SORBS3: variants seen among roughly 807,000 people sequenced by gnomAD.
The protein encoded by SORBS3 is sorbin and SH3 domain containing 3, also known as vinexin.
Under a neutral mutation model 98.0 loss-of-function variants are expected in SORBS3, and 69 were observed. The observed-to-expected ratio is 0.70, with a 90% CI of 0.58 to 0.86. SORBS3 has a LOEUF of 0.86. SORBS3 is among the 40% of genes least tolerant of loss of function. SORBS3 has a pLI of 0.00. For missense variants in SORBS3, 954 were observed against 908.5 expected, an observed-to-expected ratio of 1.05 and a Z score of -0.64; for synonymous variants, 394 against 355.4, an observed-to-expected ratio of 1.11 and a Z score of -1.22.
At chr8:22,556,658 C>A in intron 3 of SORBS3, 57 bp from the exon 4 acceptor site, 1 of 1,500,682 alleles carries the variant, frequency 6.7e-7, no homozygotes, top group South Asian at 1.1e-5. Context: ...AAGGGACACA[C>A]AGGTTCAGGT....
chr8:22,563,954 G>A, intron 7 of SORBS3, 33 bp from the exon 8 acceptor site: 1 of 1,554,100 alleles, frequency 6.4e-7, no homozygotes, highest in Non-Finnish European at 8.9e-7. Context: ...CTCCCTAAAA[G>A]GAAGCTGAAG....
chr8:22,553,657 G>A (rs945555943), intron 1 of SORBS3, among the ~76,000 whole-genome samples: 10 of 152,182 alleles, frequency 6.6e-5, no homozygotes, highest in Admixed American at 3.3e-4. Flanking sequence ...AAACAGCCTG[G>A]AGGGGCGGGA....
Position 22,574,123 on chromosome 8 carries a change from G to A in SORBS3, c.1955-544G>A, listed in dbSNP as rs368173972. The stretch of plus-strand genomic sequence containing the variant: ...AGCAGCCAACAGAAGTGCTGGCTTT[G>A]GGGAAGCATCGGGTGCCAGGCCCCC... On this transcript the variant is annotated intron_variant, in intron 20 of 20. Transcript: ENST00000240123. Among the ~76,000 whole-genome samples, 22 of 152,266 alleles carry A rather than the reference G, an allele frequency of 1.4e-4. 1 individual carries two copies. The highest frequency in any genetic ancestry group is 4.8e-4 in the African/African-American group (20 of 41,538).
chr8:22,564,714 T>C, intron 10 of SORBS3, 193 bp downstream of exon 10: 2 of 1,412,086 alleles, frequency 1.4e-6, no homozygotes, highest in Middle Eastern at 2.6e-4. Flanking sequence ...ATGTGTTAAA[T>C]AAATATGTGT....
chr8:22,571,648 C>G lies in SORBS3; in HGVS notation c.1744-70C>G, dbSNP rs763827961. 12 of 1,240,648 alleles carry G rather than the reference C, an allele frequency of 9.7e-6. No individual in the cohort carries two copies. In the South Asian group the frequency reaches 1.5e-4, roughly 15 times the overall value. The allele number at this position is 1,240,648 out of a possible 1,614,324, so 76.9% of individuals were successfully genotyped here. On this transcript the variant is annotated intron_variant, in intron 18 of 20. Coordinates refer to ENST00000240123, the MANE Select transcript of SORBS3 (RefSeq NM_005775.5). ...GACTGGGAACGCCCATTTTGGGCCT[C>G]CTCCCTCAGGCTTACATGTACCCAT...
rs771378393 is a variant in SORBS3, at chr8:22,565,303, C to G, written c.852C>G (p.Ala284=). 3 of 1,558,884 alleles carry G rather than the reference C, an allele frequency of 1.9e-6. No individual in the cohort carries two copies. The highest frequency in any genetic ancestry group is 2.4e-5 in the South Asian group (2 of 84,612). ...AGAGAGAGCTGGCCGAGCTGAGCGC[C>G]GAGCTGGACAAGGACCTGCGGGCAA... ...LLERELAELS[A]ELDKDLRAIE... The change falls in exon 11 of 21, where the codon GCC becomes GCG. Residue 284 remains alanine (A), a synonymous_variant. Transcript: ENST00000240123.
chr8:22,570,409 G>T (rs1840543061), intron 17 of SORBS3, among the ~76,000 whole-genome samples: 1 of 152,222 alleles, frequency 6.6e-6, no homozygotes, highest in African/African-American at 2.4e-5. Context: ...GGCAGGAACA[G>T]GACCCAGGCA....
At chr8:22,566,284 G>A in intron 12 of SORBS3, 61 bp from the exon 13 acceptor site, 1 of 1,580,786 alleles carries the variant, frequency 6.3e-7, no homozygotes, top group Non-Finnish European at 8.6e-7. Flanking sequence ...AGCGGTCTAG[G>A]GGTGACCAGG....
intron 3 of SORBS3, among the ~76,000 whole-genome samples, chr8:22,555,374 TAG>T (rs1183652667): frequency 6.6e-6 from 1 of 152,138 alleles, no homozygotes; most frequent in African/African-American, 2.4e-5. Context: ...AGCAGGAGGT[TAG>T]AGAGGCAGTT....
At chr8:22,574,543 C>A in intron 20 of SORBS3, 124 bp from the exon 21 acceptor site, 1 of 915,956 alleles carries the variant, frequency 1.1e-6, no homozygotes. Flanking sequence ...CCAATTCCCT[C>A]TCTGGGCTCC....
intron 5 of SORBS3, 145 bp from the exon 6 acceptor site, chr8:22,561,190 C>A: frequency 1.3e-6 from 1 of 751,028 alleles, no homozygotes; most frequent in Non-Finnish European, 2.1e-6. Context: ...CTAATTCCTT[C>A]CCTCCCTTGG....
In SORBS3 at chr8:22,564,079, T is replaced by C; in HGVS notation, c.675+2T>C. ...ACTGTGCTGCAGCCCTCAAATCAGG[T>C]AGCCCACCCAGCATAGTCCCTGGTC... On this transcript the variant is annotated splice_donor_variant, in intron 8 of 20. Coordinates refer to ENST00000240123, the MANE Select transcript of SORBS3 (RefSeq NM_005775.5). LOFTEE classifies it high-confidence loss of function. The C allele has an allele frequency of 6.2e-7, 1 of 1,613,250 alleles. No individual in the cohort carries two copies. The highest frequency in any genetic ancestry group is 8.5e-7 in the Non-Finnish European group (1 of 1,179,736).
intron 10 of SORBS3, 151 bp downstream of exon 10, chr8:22,564,672 A>C: frequency 7.4e-7 from 1 of 1,358,380 alleles, no homozygotes; most frequent in Non-Finnish European, 9.9e-7. Context: ...CACTCAGGAC[A>C]GTGGCTGGCA....
At position 22,554,363 on chromosome 8, in the gene SORBS3, G is replaced by A; in HGVS notation, c.-55-89G>A. 3.7e-6 allele frequency: 5 copies of A among 1,350,114 alleles called. No homozygotes were observed. Among genetic ancestry groups the A allele is most frequent in the Non-Finnish European group, 3.9e-6 (4 of 1,022,700 alleles). 83.6% of individuals were successfully genotyped at this position (1,350,114 alleles called of 1,614,324 possible). A position where few individuals can be genotyped will look rare whatever the true frequency, so the allele number is the denominator to read the frequency against. On this transcript the variant is annotated intron_variant, in intron 1 of 20. Transcript: ENST00000240123. The surrounding 1 kb of genome is among the most constrained non-coding windows in gnomAD (Gnocchi z 6.5). ...TGGTCCTGACCCCCTCCCACAGCCG[G>A]CCCCTCCTCCCCTATCCCAGGGTCG...
At position 22,554,698 on chromosome 8, in the gene SORBS3, G is replaced by A; in HGVS notation, c.102+90G>A. ...CAGGTGGGGGCAGGAGGATGAAAGG[G>A]ATGGAGGGAGGGCTGAAGAGAGCTC... On this transcript the variant is annotated intron_variant, in intron 2 of 20. Transcript: ENST00000240123. This position sits in a 1 kb window ranked among gnomAD's most constrained non-coding sequence, Gnocchi z 6.5. The A allele has an allele frequency of 6.9e-7, 1 of 1,446,196 alleles. No individual in the cohort carries two copies. The highest frequency in any genetic ancestry group is 1.3e-5 in the South Asian group (1 of 76,518). The allele number at this position is 1,446,196 out of a possible 1,614,324, so 89.6% of individuals were successfully genotyped here.
intron 10 of SORBS3, chr8:22,564,895 G>A (rs1031249909): frequency 6.5e-5 from 83 of 1,271,200 alleles, no homozygotes; most frequent in Non-Finnish European, 8.0e-5. Flanking sequence ...GGTCCCTGGG[G>A]TGGCGGGGGA....
Position 22,567,144 on chromosome 8 carries a change from G to C in SORBS3, c.1274G>C (p.Arg425Pro), listed in dbSNP as rs200952218. Residue 425 changes from arginine to proline, a missense_variant, in exon 16 of 21, where the codon CGC becomes CCC. Transcript: ENST00000240123. ...TGGCTGGAGGGAGAGCACCACGGCC[G>C]CCTGGGCATCTTCCCTGCTAATTAT... ...KNWLEGEHHGRLGIFPANYVE... is the reference protein window; with the variant it reads ...KNWLEGEHHGPLGIFPANYVE... 5.6e-6 allele frequency: 9 copies of C among 1,612,860 alleles called. No homozygotes were observed. The highest frequency in any genetic ancestry group is 1.3e-5 in the African/African-American group (1 of 74,928).
chr8:22,557,011 C>A, intron 4 of SORBS3, 103 bp downstream of exon 4: 3 of 1,286,646 alleles, frequency 2.3e-6, no homozygotes, highest in Non-Finnish European at 3.2e-6. Flanking sequence ...AGGCCGCACC[C>A]AAACCATCCC....
At chr8:22,564,224 G>A in intron 8 of SORBS3, 59 bp from the exon 9 acceptor site, 1 of 1,524,958 alleles carries the variant, frequency 6.6e-7, no homozygotes, top group Non-Finnish European at 8.9e-7. Flanking sequence ...TGCATTTTGA[G>A]CCTGGCCAGT....
Sources: allele counts gnomAD v4.1 joint callset (sites outside exome capture counted in the v4.1 genomes callset), GRCh38; gene constraint gnomAD v4.1.1; non-coding constraint Gnocchi (gnomAD v3.1); transcripts MANE v1.5; gene names NCBI Gene and HGNC (gene_info 2026-07-23, HGNC 2026-07-21).